Variants in GLB1L2 observed in about 807,000 individuals in gnomAD.
GLB1L2 encodes the protein galactosidase beta 1 like 2.
GLB1L2 carries 68 observed loss-of-function variants against 84.1 expected under a neutral mutation model. That is an observed-to-expected ratio of 0.81 (90% confidence interval 0.67 to 0.99). GLB1L2 has a LOEUF of 0.99. GLB1L2 is among the 50% of genes least tolerant of loss of function. The pLI is 0.00. For missense variants in GLB1L2, 762 were observed against 805.6 expected, an observed-to-expected ratio of 0.95 and a Z score of 0.66; for synonymous variants, 290 against 318.0, an observed-to-expected ratio of 0.91 and a Z score of 0.94.
chr11:134,351,343 T>C (rs936979797), intron 5 of GLB1L2, among the ~76,000 whole-genome samples: 5 of 133,706 alleles, frequency 3.7e-5, no homozygotes, highest in South Asian at 2.8e-4. Context: ...TTCTTTTTCT[T>C]TCTTTTTTTT....
At chr11:134,362,664 C>G (rs769126805) in intron 7 of GLB1L2, among the ~76,000 whole-genome samples, 8 of 152,264 alleles carry the variant, frequency 5.3e-5, no homozygotes, top group Non-Finnish European at 1.2e-4. Context: ...GCTGTGGACA[C>G]TGCCTTTCTT....
chr11:134,336,341 C>A (rs576162950), intron 1 of GLB1L2, among the ~76,000 whole-genome samples: 83 of 152,314 alleles, frequency 5.4e-4, no homozygotes, highest in Non-Finnish European at 7.3e-5. Flanking sequence ...GGCTAGGCAC[C>A]CTTCCCTATC....
rs763934034 is a variant in GLB1L2 at position 134,344,463 on chromosome 11, G to T, written c.353+8G>T. On this transcript the variant is annotated splice_region_variant and intron_variant, in intron 3 of 18. Transcript: ENST00000535456. ...TGGGAACCTGGACCTGGAGTATGTGGTGTTGCTGCTTCTGTGAACTGGCCA... is the reference window on the plus strand; with the variant it reads ...TGGGAACCTGGACCTGGAGTATGTGTTGTTGCTGCTTCTGTGAACTGGCCA... 8.7e-6 allele frequency: 14 copies of T among 1,612,392 alleles called. No individual in the cohort carries two copies. The Admixed American group carries it at 2.3e-4, about 27-fold the overall frequency.
At chr11:134,360,158 CA>C (rs1408663818) in intron 7 of GLB1L2, 1 of 152,304 alleles carries the variant, frequency 6.6e-6, no homozygotes. Flanking sequence ...CCCATCGTTG[CA>C]GCGGGGCCCT....
intron 7 of GLB1L2, among the ~76,000 whole-genome samples, chr11:134,363,511 C>T (rs1394446959): frequency 1.3e-5 from 2 of 152,190 alleles, no homozygotes; most frequent in Admixed American, 6.5e-5. Context: ...TGGGCATGCC[C>T]GGGTGTCAGC....
At chr11:134,337,741 G>A (rs1313377981) in intron 1 of GLB1L2, among the ~76,000 whole-genome samples, 1 of 152,202 alleles carries the variant, frequency 6.6e-6, no homozygotes, top group Non-Finnish European at 1.5e-5. Flanking sequence ...GTGGGCAGCT[G>A]AACACACTTG....
At chr11:134,362,180 C>T (rs1030118022) in intron 7 of GLB1L2, among the ~76,000 whole-genome samples, 16 of 152,334 alleles carry the variant, frequency 1.1e-4, no homozygotes, top group African/African-American at 3.4e-4. Context: ...TTTTATCTTC[C>T]AGTCCTCCCG....
chr11:134,370,153 GT>G lies in GLB1L2; in HGVS notation c.1109-139del, dbSNP rs1220950980. 3 of 793,274 alleles carry G rather than the reference GT, an allele frequency of 3.8e-6. No individual in the cohort carries two copies. The highest frequency in any genetic ancestry group is 6.5e-6 in the Non-Finnish European group (3 of 460,248). 49.1% of individuals were successfully genotyped at this position (793,274 alleles called of 1,614,324 possible). A position where few individuals can be genotyped will look rare whatever the true frequency, so the allele number is the denominator to read the frequency against. ...TGGCCTTCCTCCCTGGCCTCAGCAG[GT>G]GCTGAGAGCTAGCCTGTTGTTCCTC... On this transcript the variant is annotated intron_variant, in intron 11 of 18. Transcript: ENST00000535456. The surrounding 1 kb of genome is among the most constrained non-coding windows in gnomAD (Gnocchi z 4.7).
At chr11:134,360,964 C>G (rs998417168) in intron 7 of GLB1L2, 2 of 152,094 alleles carry the variant, frequency 1.3e-5, no homozygotes. Flanking sequence ...CCAGCCTGCC[C>G]AACATGGCGA....
Position 134,370,535 on chromosome 11 carries a change from G to T in GLB1L2, c.1215+136G>T. The T allele has an allele frequency of 7.4e-6, 5 of 671,340 alleles. No homozygotes were observed. Among genetic ancestry groups the T allele is most frequent in the Non-Finnish European group, 1.3e-5 (5 of 382,198 alleles). 41.6% of individuals were successfully genotyped at this position (671,340 alleles called of 1,614,324 possible). The stretch of plus-strand genomic sequence containing the variant: ...GCAGGGCCTGGAGCCCCTCCAGACA[G>T]GGAGTGTGGGGGGAGGCAGGCCAGT... On this transcript the variant is annotated intron_variant, in intron 12 of 18. Coordinates refer to ENST00000535456, the MANE Select transcript of GLB1L2 (RefSeq NM_001370461.1). The surrounding 1 kb of genome is among the most constrained non-coding windows in gnomAD (Gnocchi z 4.7).
At chr11:134,332,216 T>C (rs1943308221) in intron 1 of GLB1L2, 69 bp downstream of exon 1, 1 of 1,152,040 alleles carries the variant, frequency 8.7e-7, no homozygotes, top group Non-Finnish European at 1.2e-6. Flanking sequence ...TCGGGTTCTC[T>C]CCTCCCGCGA....
intron 6 of GLB1L2, among the ~76,000 whole-genome samples, chr11:134,357,004 T>C (rs1336719202): frequency 6.6e-6 from 1 of 152,244 alleles, no homozygotes; most frequent in Non-Finnish European, 1.5e-5. Context: ...GTGTGACTAA[T>C]AGGAGTATTT....
At chr11:134,368,815 GC>G in intron 10 of GLB1L2, 34 bp downstream of exon 10, 1 of 1,609,996 alleles carries the variant, frequency 6.2e-7, no homozygotes, top group Non-Finnish European at 8.5e-7. Flanking sequence ...TCCCTGGTCT[GC>G]CCTGCATGGG....
At chr11:134,343,739 C>T (rs941508793) in intron 2 of GLB1L2, among the ~76,000 whole-genome samples, 1 of 152,214 alleles carries the variant, frequency 6.6e-6, no homozygotes, top group African/African-American at 2.4e-5. Context: ...CTCTGACTCG[C>T]AGAAGCAGCA....
At position 134,370,760 on chromosome 11, in the gene GLB1L2, C is replaced by T. The variant is rs1161494046; in HGVS notation, c.1216-248C>T. Among the ~76,000 whole-genome samples, 1 of 152,166 alleles carries T rather than the reference C, an allele frequency of 6.6e-6. No individual in the cohort carries two copies. The highest frequency in any genetic ancestry group is 1.5e-5 in the Non-Finnish European group (1 of 68,018). On this transcript the variant is annotated intron_variant, in intron 12 of 18. Transcript: ENST00000535456. This position sits in a 1 kb window ranked among gnomAD's most constrained non-coding sequence, Gnocchi z 4.7. The stretch of plus-strand genomic sequence containing the variant: ...TCCCCTCCCCAAGAAGGGGGTGCCT[C>T]CTCCGGCGGACTGAGGCTGTGATGT...
At chr11:134,342,680 C>T (rs1792660480) in intron 1 of GLB1L2, 74 bp from the exon 2 acceptor site, 3 of 1,440,450 alleles carry the variant, frequency 2.1e-6, no homozygotes, top group Middle Eastern at 2.5e-4. Context: ...TGCCGAGGAC[C>T]TGCGAAGGGG....
chr11:134,338,382 G>A lies in GLB1L2; in HGVS notation c.87-4372G>A, dbSNP rs1943416943. ...TCCTTTCTGGTGGTGACAGGATCTG[G>A]CTCACCTCCCACCCAGCCGCCCTGC... On this transcript the variant is annotated intron_variant, in intron 1 of 18. Coordinates refer to ENST00000535456, the MANE Select transcript of GLB1L2 (RefSeq NM_001370461.1). This position sits in a 1 kb window ranked among gnomAD's most constrained non-coding sequence, Gnocchi z 6.2. Among the ~76,000 whole-genome samples, 1 of 152,126 alleles carries A rather than the reference G, an allele frequency of 6.6e-6. No homozygotes were observed. The highest frequency in any genetic ancestry group is 2.4e-5 in the African/African-American group (1 of 41,426).
chr11:134,350,700 A>G (rs558175039), intron 5 of GLB1L2, among the ~76,000 whole-genome samples: 4 of 152,334 alleles, frequency 2.6e-5, no homozygotes, highest in African/African-American at 9.6e-5. Context: ...CTATTCCTCC[A>G]TCTTGCTCCA....
At chr11:134,371,600 G>A in intron 14 of GLB1L2, 108 bp downstream of exon 14, 2 of 1,000,116 alleles carry the variant, frequency 2.0e-6, no homozygotes, top group Admixed American at 3.5e-5. Context: ...TTACCCACAA[G>A]CTGTAGGTGG....
Sources: allele counts gnomAD v4.1 joint callset (sites outside exome capture counted in the v4.1 genomes callset), GRCh38; gene constraint gnomAD v4.1.1; non-coding constraint Gnocchi (gnomAD v3.1); transcripts MANE v1.5; gene names NCBI Gene and HGNC (gene_info 2026-07-23, HGNC 2026-07-21).